The following GFAP variants were observed in gnomAD, a reference collection of about 807,000 sequenced individuals.
GFAP encodes the protein intermediate filament protein.
Under a neutral mutation model 49.3 loss-of-function variants are expected in GFAP, and 38 were observed. The ratio of observed to expected loss-of-function variants is 0.77; its 90% CI spans 0.60 to 1.01. GFAP has a LOEUF of 1.01. Among genes scored for constraint, GFAP ranks in the 50% least tolerant of loss-of-function variants. The probability of loss-of-function intolerance (pLI) is 0.00; values close to 1 mark genes in which losing one functional copy is unlikely to be tolerated. For missense variants in GFAP, 463 were observed against 579.1 expected (o/e 0.80, Z 2.06); for synonymous variants, 222 against 236.4 (o/e 0.94, Z 0.56).
At chr17:44,914,353 ACACT>A (rs1305913349) in intron 1 of GFAP, 2 of 536,190 alleles carry the variant, frequency 3.7e-6, no homozygotes, top group African/African-American at 3.9e-5. Flanking sequence ...CCACAAGCAT[ACACT>A]CACTGTTGCA....
intron 6 of GFAP, 34 bp downstream of exon 6, chr17:44,911,202 G>T: frequency 1.9e-6 from 3 of 1,582,544 alleles, no homozygotes; most frequent in East Asian, 2.2e-5. Flanking sequence ...GAGGCAGCAG[G>T]GAGACTTCCC....
intron 7 of GFAP, 116 bp downstream of exon 7, chr17:44,910,499 C>T: frequency 6.4e-7 from 1 of 1,553,240 alleles, no homozygotes; most frequent in Non-Finnish European, 8.7e-7. Context: ...CGAAGGCCCC[C>T]AGGGAGAGCT....
At position 44,911,446 on chromosome 17, in the gene GFAP, A is replaced by G. The variant is rs2145633326; in HGVS notation, c.917T>C (p.Leu306Pro). 2.5e-6 allele frequency: 4 copies of G among 1,607,756 alleles called. No homozygotes were observed. Among genetic ancestry groups the G allele is most frequent in the Non-Finnish European group, 3.4e-6 (4 of 1,177,572 alleles). The change falls in exon 6 of 9, where the codon CTG becomes CCG. Residue 306 changes from leucine (L) to proline (P), a missense_variant. Leu to Pro is a moderately conservative substitution (Grantham distance 98). Coordinates refer to ENST00000588735, the MANE Select transcript of GFAP (RefSeq NM_002055.5). ...CTCCTGCTCGCGCATCTGCCTCTCC[A>G]GGGACTCGTTCTGTGGGATGGAGCC... is the stretch of plus-strand genomic sequence containing the variant. ...LESLRGTNES[L>P]ERQMREQEER... is the part of the protein sequence containing the mutation.
chr17:44,913,533 T>G (rs2051825007), intron 3 of GFAP, 103 bp from the exon 4 acceptor site: 3 of 1,264,608 alleles, frequency 2.4e-6, no homozygotes, highest in Non-Finnish European at 3.4e-6. Context: ...GGCCAGGAGT[T>G]CGAATGCTCT....
In GFAP at chr17:44,904,385, G is replaced by A; in HGVS notation, c.*2962C>T. 6.5e-7 allele frequency: 1 copy of A among 1,542,804 alleles called. No homozygotes were observed. Among genetic ancestry groups the A allele is most frequent in the Non-Finnish European group, 8.8e-7 (1 of 1,141,254 alleles). ...CTGTGACCGCTGCGGAGTGCGTGGG[G>A]AGCAGTGGCGCATCGGCCTCTGCTA... On this transcript the variant is annotated 3_prime_UTR_variant, in exon 9 of 9. Coordinates refer to ENST00000588735, the MANE Select transcript of GFAP (RefSeq NM_002055.5).
rs1184699884 is a variant in GFAP at position 44,911,296 on chromosome 17, T to C, written c.1067A>G (p.Lys356Arg). Residue 356 changes from lysine to arginine, a missense_variant, in exon 6 of 9, where the codon AAG (lysine) becomes AGG (arginine). Transcript: ENST00000588735. ...GGCGATCTCGATGTCCAGGGCCAGC[T>C]TGACATTGAGCAGGTCCTGGTACTC... is the stretch of plus-strand genomic sequence containing the variant. ...LQEYQDLLNV[K>R]LALDIEIATY... 1.9e-6 allele frequency: 3 copies of C among 1,614,094 alleles called. No homozygotes were observed. Among genetic ancestry groups the C allele is most frequent in the Admixed American group, 1.7e-5 (1 of 60,016 alleles).
At position 44,906,038 on chromosome 17, in the gene GFAP, G is replaced by A. The variant is rs1597851133; in HGVS notation, c.*1309C>T. 6.6e-6 allele frequency: 1 copy of A among 152,316 alleles called. No individual in the cohort carries two copies. The highest frequency in any genetic ancestry group is 1.9e-4 in the East Asian group (1 of 5,194). 9.4% of individuals were successfully genotyped at this position (152,316 alleles called of 1,614,324 possible). ...TACATTTTGTGTGTGAGTAAGAAGG[G>A]ACCGCAAGAGGCCCTTGGCTTAGGG... On this transcript the variant is annotated 3_prime_UTR_variant, in exon 9 of 9. Transcript: ENST00000588735.
chr17:44,910,947 G>A (rs2051748059), intron 6 of GFAP: 2 of 603,792 alleles, frequency 3.3e-6, no homozygotes, highest in Non-Finnish European at 5.9e-6. Context: ...TGGGTGAGGT[G>A]AGGAGTCCAA....
chr17:44,914,393 C>A, intron 1 of GFAP: 1 of 413,460 alleles, frequency 2.4e-6, no homozygotes, highest in Non-Finnish European at 4.4e-6. Context: ...ACGCACATGT[C>A]CTCCTGCACT....
Position 44,904,787 on chromosome 17 carries a change from A to G in GFAP, c.*2560T>C. 6.4e-7 allele frequency: 1 copy of G among 1,550,638 alleles called. No homozygotes were observed. The highest frequency in any genetic ancestry group is 8.7e-7 in the Non-Finnish European group (1 of 1,146,974). ...GTACCTGAAGGGTGTCAACAGGTCC[A>G]TGAGGGTGTTCATTGACCACGGCAA... On this transcript the variant is annotated 3_prime_UTR_variant, in exon 9 of 9. Coordinates refer to ENST00000588735, the MANE Select transcript of GFAP (RefSeq NM_002055.5).
At chr17:44,907,525 G>T (rs1298207328) in intron 8 of GFAP, 137 bp from the exon 9 acceptor site, 1 of 721,140 alleles carries the variant, frequency 1.4e-6, no homozygotes, top group East Asian at 2.7e-5. Flanking sequence ...AACCACAGCT[G>T]CCTTGCGTGG....
In GFAP at chr17:44,904,853, A is replaced by C; in HGVS notation, c.*2494T>G. The C allele has an allele frequency of 1.9e-6, 3 of 1,550,668 alleles. No individual in the cohort carries two copies. The highest frequency in any genetic ancestry group is 2.6e-6 in the Non-Finnish European group (3 of 1,146,994). On this transcript the variant is annotated 3_prime_UTR_variant, in exon 9 of 9. Transcript: ENST00000588735. Reference sequence around the variant, plus strand: ...CTTCACCCAGCTGGATGACCGGGGCATCTACTATTGCTGGAGGCAGGGTGT... The same window carrying C: ...CTTCACCCAGCTGGATGACCGGGGCCTCTACTATTGCTGGAGGCAGGGTGT...
Position 44,911,444 on chromosome 17 carries a change from C to A in GFAP, c.919G>T (p.Glu307Ter). Residue 307 changes from glutamate to a stop codon, truncating the protein, a stop_gained, in exon 6 of 9, where the codon GAG (glutamate) becomes TAG (stop). Coordinates refer to ENST00000588735, the MANE Select transcript of GFAP (RefSeq NM_002055.5). LOFTEE classifies it high-confidence loss of function. ...ESLRGTNESL[E>*]RQMREQEERH... ...TCCTCCTGCTCGCGCATCTGCCTCT[C>A]CAGGGACTCGTTCTGTGGGATGGAG... 1 of 1,608,340 alleles carries A rather than the reference C, an allele frequency of 6.2e-7. No individual in the cohort carries two copies. Among genetic ancestry groups the A allele is most frequent in the Non-Finnish European group, 8.5e-7 (1 of 1,177,722 alleles).
rs777529965 is a variant in GFAP, at chr17:44,905,025, G to A, written c.*2322C>T. On this transcript the variant is annotated 3_prime_UTR_variant, in exon 9 of 9. Coordinates refer to ENST00000588735, the MANE Select transcript of GFAP (RefSeq NM_002055.5). ...GTCTTTGTCACCATTCACTTCTGTC[G>A]TTGCTGCTGCTACTTATTTCACTGT... 2.3e-5 allele frequency: 35 copies of A among 1,549,696 alleles called. No homozygotes were observed. The East Asian group carries it at 3.2e-4, about 14-fold the overall frequency.
rs1318031766 is a variant in GFAP at position 44,913,843 on chromosome 17, G to A, written c.523-20C>T. ...TGCTTCCTGGAGTGGCAGGAGGGGTGAGGAGTAGAGGGCCACTGGGGCCCC... is the reference window on the plus strand; with the variant it reads ...TGCTTCCTGGAGTGGCAGGAGGGGTAAGGAGTAGAGGGCCACTGGGGCCCC... On this transcript the variant is annotated intron_variant, in intron 2 of 8. Coordinates refer to ENST00000588735, the MANE Select transcript of GFAP (RefSeq NM_002055.5). The A allele has an allele frequency of 6.3e-7, 1 of 1,592,656 alleles. No individual in the cohort carries two copies. Among genetic ancestry groups the A allele is most frequent in the Non-Finnish European group, 8.6e-7 (1 of 1,160,420 alleles).
rs751356359 is a variant in GFAP at position 44,915,173 on chromosome 17, C to T, written c.314G>A (p.Arg105Gln). ...TGCCAGCTTGGTGGGCTCCTTGGCC[C>T]GCAGCTGGTTCAGCTCAGCAGCCAG... ...KALAAELNQL[R>Q]AKEPTKLADV... The change falls in exon 1 of 9, where the codon CGG (arginine) becomes CAG (glutamine). Residue 105 changes from arginine (R) to glutamine (Q), a missense_variant. By Grantham distance (43) the Arg-to-Gln change is conservative (BLOSUM62 1). Around this residue, in one of 3 missense-constraint regions of GFAP, gnomAD observed 362 missense variants for 445.5 expected, o/e 0.81. Transcript: ENST00000588735. The surrounding 1 kb of genome is among the most constrained non-coding windows in gnomAD (Gnocchi z 4.1). 5 of 1,614,166 alleles carry T rather than the reference C, an allele frequency of 3.1e-6. No individual in the cohort carries two copies. Among genetic ancestry groups the T allele is most frequent in the Non-Finnish European group, 4.2e-6 (5 of 1,180,034 alleles).
chr17:44,903,925 CCCTGCTTT>C lies in GFAP; in HGVS notation c.*3414_*3421del. Reference sequence around the variant, plus strand: ...AAAACATTTTTCAGAGGACCCCCTGCCCTGCTTTCCTGATGTTTGAAAATGCAGCCTAC... The same window carrying C: ...AAAACATTTTTCAGAGGACCCCCTGCCCTGATGTTTGAAAATGCAGCCTAC... On this transcript the variant is annotated 3_prime_UTR_variant, in exon 9 of 9. Transcript: ENST00000588735. The C allele has an allele frequency of 6.4e-7, 1 of 1,550,602 alleles. No homozygotes were observed. The highest frequency in any genetic ancestry group is 8.7e-7 in the Non-Finnish European group (1 of 1,147,006).
In GFAP at chr17:44,907,278, G is replaced by A. The variant is rs753652614; in HGVS notation, c.*69C>T. On this transcript the variant is annotated 3_prime_UTR_variant, in exon 9 of 9. Coordinates refer to ENST00000588735, the MANE Select transcript of GFAP (RefSeq NM_002055.5). ...TCTGGGGAAATGTGCCAGCAGAGGC[G>A]GAGCAACTATCCTGCTTCTGCTCGG... 4.3e-5 allele frequency: 63 copies of A among 1,453,852 alleles called. No individual in the cohort carries two copies. The highest frequency in any genetic ancestry group is 1.8e-4 in the East Asian group (8 of 44,124). 90.1% of individuals were successfully genotyped at this position (1,453,852 alleles called of 1,614,324 possible).
Position 44,904,700 on chromosome 17 carries a change from G to A in GFAP, c.*2647C>T. ...CCATGGACTCATCATCTCCTGTCCT[G>A]GGGCCCGGCCAGAGCATGCAGTGGC... On this transcript the variant is annotated 3_prime_UTR_variant, in exon 9 of 9. Coordinates refer to ENST00000588735, the MANE Select transcript of GFAP (RefSeq NM_002055.5). 6.4e-7 allele frequency: 1 copy of A among 1,550,562 alleles called. No homozygotes were observed. The highest frequency in any genetic ancestry group is 1.2e-5 in the South Asian group (1 of 84,064).
Sources: gnomAD v4.1 joint callset for allele counts on GRCh38, gnomAD v4.1.1 for gene constraint, gnomAD v4.1.1 regional missense constraint, Gnocchi (gnomAD v3.1) non-coding constraint, MANE v1.5 for transcripts, NCBI Gene and HGNC (gene_info 2026-07-23, HGNC 2026-07-21) for gene names.